DGCR2: variants seen among roughly 807,000 people sequenced by gnomAD.
DGCR2 encodes the protein DiGeorge syndrome critical region gene 2, also known as integral membrane protein DGCR2/IDD.
In DGCR2, 24 loss-of-function variants were observed where a neutral mutation model predicts 51.6. The observed-to-expected ratio is 0.47, with a 90% CI of 0.34 to 0.65. The LOEUF (loss-of-function observed/expected upper bound fraction) is 0.65. DGCR2 is among the 30% of genes least tolerant of loss of function. The pLI is 0.01. For missense variants in DGCR2, 765 were observed against 772.1 expected (o/e 0.99, Z 0.11); for synonymous variants, 340 against 315.4 (o/e 1.08, Z -0.82).
At chr22:19,040,912 C>T (rs2082423219) in intron 9 of DGCR2, 146 bp downstream of exon 9, 2 of 738,816 alleles carry the variant, frequency 2.7e-6, no homozygotes, top group Non-Finnish European at 4.3e-6. Context: ...CGGGCAGCCC[C>T]AGGAGAAGCC....
intron 1 of DGCR2, among the ~76,000 whole-genome samples, chr22:19,121,196 T>C (rs2083427490): frequency 6.6e-6 from 1 of 152,230 alleles, no homozygotes; most frequent in Non-Finnish European, 1.5e-5. Flanking sequence ...CATTAAGAAA[T>C]ATTAAGAGTC....
intron 4 of DGCR2, among the ~76,000 whole-genome samples, chr22:19,063,979 G>A (rs1327306300): frequency 1.3e-5 from 2 of 152,124 alleles, no homozygotes; most frequent in Non-Finnish European, 2.9e-5. Context: ...CACTTGCACG[G>A]CTTCCCACTC....
In DGCR2 at chr22:19,057,071, G is replaced by C; in HGVS notation, c.717C>G (p.Phe239Leu). ...DNVFCAQLQC[F>L]HFPTLRHHDL... ...CGTGGTGCCGCAGGGTGGGGAAATGGAAGCACTGAAGCTGGGCACAGAACA... is the reference window on the plus strand; with the variant it reads ...CGTGGTGCCGCAGGGTGGGGAAATGCAAGCACTGAAGCTGGGCACAGAACA... The change falls in exon 6 of 10, where the codon TTC (phenylalanine) becomes TTG (leucine). Residue 239 changes from phenylalanine to leucine, a missense_variant. This residue lies in a region of DGCR2 where 190 missense variants were observed against 265.2 expected (regional missense o/e 0.72). Transcript: ENST00000263196. This position sits in a 1 kb window ranked among gnomAD's most constrained non-coding sequence, Gnocchi z 5.1. The C allele has an allele frequency of 1.9e-6, 3 of 1,602,732 alleles. No homozygotes were observed. Among genetic ancestry groups the C allele is most frequent in the Non-Finnish European group, 2.6e-6 (3 of 1,174,784 alleles).
intron 2 of DGCR2, among the ~76,000 whole-genome samples, chr22:19,076,886 C>A (rs1345147266): frequency 6.6e-6 from 1 of 151,848 alleles, no homozygotes; most frequent in Admixed American, 6.6e-5. Context: ...CCCGCCACCA[C>A]ACCTGGCTAA....
chr22:19,064,135 G>C (rs2082720934), intron 4 of DGCR2, among the ~76,000 whole-genome samples: 1 of 152,244 alleles, frequency 6.6e-6, no homozygotes, highest in East Asian at 1.9e-4. Flanking sequence ...CAAGCCTAGA[G>C]ATGCCCATCA....
intron 3 of DGCR2, among the ~76,000 whole-genome samples, chr22:19,067,778 G>C (rs1359918053): frequency 6.6e-6 from 1 of 152,186 alleles, no homozygotes; most frequent in Non-Finnish European, 1.5e-5. Context: ...CTCAGAGCTG[G>C]TTTCCTCATT....
chr22:19,115,314 C>A (rs2083362648), intron 1 of DGCR2, among the ~76,000 whole-genome samples: 1 of 152,246 alleles, frequency 6.6e-6, no homozygotes, highest in Non-Finnish European at 1.5e-5. Context: ...CAACCCTCCA[C>A]CCCAGGCTGG....
intron 2 of DGCR2, among the ~76,000 whole-genome samples, chr22:19,083,096 AAAAAAG>A (rs1272603591): frequency 6.6e-6 from 1 of 152,112 alleles, no homozygotes; most frequent in African/African-American, 2.4e-5. Flanking sequence ...CAAAAAAAAA[AAAAAAG>A]AAAAAGAAAA....
intron 1 of DGCR2, among the ~76,000 whole-genome samples, chr22:19,115,534 C>T (rs371027973): frequency 6.6e-6 from 1 of 152,230 alleles, no homozygotes; most frequent in Non-Finnish European, 1.5e-5. Flanking sequence ...TCGCCACCCC[C>T]ACCAGAGGCA....
intron 2 of DGCR2, among the ~76,000 whole-genome samples, chr22:19,075,202 C>T (rs2145986397): frequency 6.6e-6 from 1 of 151,988 alleles, no homozygotes; most frequent in South Asian, 2.1e-4. Flanking sequence ...CTGAGGCAGG[C>T]AGATCACAAG....
intron 9 of DGCR2, 113 bp downstream of exon 9, chr22:19,040,945 A>C: frequency 1.0e-6 from 1 of 977,946 alleles, no homozygotes; most frequent in Non-Finnish European, 1.5e-6. Context: ...CCAAAGACAA[A>C]GCCGGAAAGA....
In DGCR2 at chr22:19,122,314, A is replaced by T; in HGVS notation, c.-108T>A. The T allele has an allele frequency of 1.2e-6, 1 of 851,616 alleles. No homozygotes were observed. Among genetic ancestry groups the T allele is most frequent in the Non-Finnish European group, 1.7e-6 (1 of 599,018 alleles). The allele number at this position is 851,616 out of a possible 1,614,324, so 52.8% of individuals were successfully genotyped here. The stretch of plus-strand genomic sequence containing the variant: ...GGTCAGGCGGAGCTGAACCTGGGCG[A>T]GGCGCGGAGAGGCGGCGGGAAAGAG... On this transcript the variant is annotated 5_prime_UTR_variant, in exon 1 of 10. Coordinates refer to ENST00000263196, the MANE Select transcript of DGCR2 (RefSeq NM_005137.3).
chr22:19,068,431 C>A (rs574528315), intron 2 of DGCR2, among the ~76,000 whole-genome samples: 1 of 152,342 alleles, frequency 6.6e-6, no homozygotes, highest in African/African-American at 2.4e-5. Context: ...AAAATTATGC[C>A]GTGGCAGTTT....
At chr22:19,047,102 TG>T (rs2082498399) in intron 7 of DGCR2, 1 of 153,446 alleles carries the variant, frequency 6.5e-6, no homozygotes, top group Non-Finnish European at 1.5e-5. Context: ...TAAACAGACA[TG>T]CACCCTATAC....
intron 1 of DGCR2, among the ~76,000 whole-genome samples, chr22:19,120,067 G>C (rs2083415811): frequency 6.6e-6 from 1 of 152,182 alleles, no homozygotes; most frequent in South Asian, 2.1e-4. Context: ...CATGGTGAAT[G>C]TGTGAAGAGG....
At chr22:19,118,965 C>G (rs1162766061) in intron 1 of DGCR2, among the ~76,000 whole-genome samples, 1 of 152,218 alleles carries the variant, frequency 6.6e-6, no homozygotes, top group Admixed American at 6.5e-5. Flanking sequence ...TCTTCCTCAT[C>G]ACACCCCCAG....
chr22:19,111,820 A>G (rs1295404352), intron 1 of DGCR2, among the ~76,000 whole-genome samples: 1 of 151,664 alleles, frequency 6.6e-6, no homozygotes, highest in Admixed American at 6.6e-5. Flanking sequence ...ATAGCCCTTG[A>G]ACATCTAAAC....
Position 19,064,849 on chromosome 22 carries a change from T to G in DGCR2, c.547A>C (p.Lys183Gln), listed in dbSNP as rs1426157979. The G allele has an allele frequency of 1.2e-6, 2 of 1,613,332 alleles. No individual in the cohort carries two copies. The highest frequency in any genetic ancestry group is 4.5e-5 in the East Asian group (2 of 44,888). The part of the protein sequence containing the change: ...ERSFGWKDQR[K>Q]LWVGYQYVIT... Reference sequence around the variant, plus strand: ...TCAGGTCCCCAATCCAGGACTCACTTGCGCTGGTCCTTCCAACCAAAGCTC... The same window carrying G: ...TCAGGTCCCCAATCCAGGACTCACTGGCGCTGGTCCTTCCAACCAAAGCTC... The change falls in exon 4 of 10, where the codon AAG (lysine) becomes CAG (glutamine). Residue 183 changes from lysine (K) to glutamine (Q), a missense_variant and splice_region_variant. Transcript: ENST00000263196.
chr22:19,063,280 T>C lies in DGCR2; in HGVS notation c.549-2A>G. 6.2e-7 allele frequency: 1 copy of C among 1,613,898 alleles called. No individual in the cohort carries two copies. Among genetic ancestry groups the C allele is most frequent in the Non-Finnish European group, 8.5e-7 (1 of 1,179,866 alleles). ...ACATACTGATAGCCAACCCACAACC[T>C]GCAGGGCACAGAGACAGAGACAGAG... On this transcript the variant is annotated splice_acceptor_variant, in intron 4 of 9. Coordinates refer to ENST00000263196, the MANE Select transcript of DGCR2 (RefSeq NM_005137.3). LOFTEE classifies it high-confidence loss of function.
Sources: gnomAD v4.1 joint callset for allele counts (sites outside exome capture counted in the v4.1 genomes callset) on GRCh38, gnomAD v4.1.1 for gene constraint, gnomAD v4.1.1 regional missense constraint, Gnocchi (gnomAD v3.1) non-coding constraint, MANE v1.5 for transcripts, NCBI Gene and HGNC (gene_info 2026-07-23, HGNC 2026-07-21) for gene names.